Variants in CDC45 observed in about 807,000 individuals in gnomAD.
CDC45 encodes the protein cell division cycle 45, also known as cell division control protein 45 homolog.
A neutral mutation model predicts 77.8 loss-of-function variants in CDC45; 54 were observed. The ratio of observed to expected loss-of-function variants is 0.69; its 90% CI spans 0.56 to 0.87. The LOEUF (loss-of-function observed/expected upper bound fraction) is 0.87, where lower values mean the gene tolerates loss of function less well. Among genes scored for constraint, CDC45 ranks in the 40% least tolerant of loss-of-function variants. The pLI is 0.00. For synonymous variants in CDC45, 260 were observed against 272.1 expected, an observed-to-expected ratio of 0.96 and a Z score of 0.44; for missense variants, 649 against 721.6, an observed-to-expected ratio of 0.90 and a Z score of 1.15.
chr22:19,481,088 T>C, intron 3 of CDC45, 43 bp downstream of exon 3: 1 of 1,214,652 alleles, frequency 8.2e-7, no homozygotes, highest in East Asian at 2.3e-5. Context: ...TTTTACTCAA[T>C]TGTAATTTCT....
intron 5 of CDC45, among the ~76,000 whole-genome samples, chr22:19,487,910 CAAAAAAAAAAAAA>C (rs11291499): frequency 7.3e-5 from 5 of 68,760 alleles, no homozygotes; most frequent in African/African-American, 3.4e-4. Context: ...GACTCCGTCT[CAAAAAAAAAAAAA>C]AAAAAAAAAG....
rs983973187 is a variant in CDC45, at chr22:19,520,203, A to G, written c.*2-278A>G. Among the ~76,000 whole-genome samples the G allele has an allele frequency of 4.6e-5, 7 of 152,110 alleles. No individual in the cohort carries two copies. The highest frequency in any genetic ancestry group is 1.2e-4 in the African/African-American group (5 of 41,438). ...GCCGAGGGATGGAGGGAGAGCCCCC[A>G]TGGGAGGGTGCCAGGGGGCTGGCTG... On this transcript the variant is annotated intron_variant, in intron 18 of 18. Transcript: ENST00000263201. The surrounding 1 kb of genome is among the most constrained non-coding windows in gnomAD (Gnocchi z 4.5).
At chr22:19,505,300 C>T in intron 9 of CDC45, 62 bp from the exon 10 acceptor site, 1 of 1,610,182 alleles carries the variant, frequency 6.2e-7, no homozygotes, top group Non-Finnish European at 8.5e-7. Flanking sequence ...GGAGCCTAGG[C>T]TTAGGCTGCC....
intron 5 of CDC45, among the ~76,000 whole-genome samples, chr22:19,486,491 C>T (rs565421911): frequency 8.1e-4 from 123 of 152,132 alleles, no homozygotes; most frequent in African/African-American, 2.8e-3. Flanking sequence ...GGCCAGTTCT[C>T]TTTTCTAATA....
At chr22:19,483,097 C>T (rs567402269) in intron 4 of CDC45, among the ~76,000 whole-genome samples, 122 of 152,184 alleles carry the variant, frequency 8.0e-4, no homozygotes, top group Admixed American at 1.8e-3. Flanking sequence ...ACTACAGGCA[C>T]ATGCCACCAC....
At chr22:19,483,432 CA>C (rs997249975) in intron 4 of CDC45, among the ~76,000 whole-genome samples, 11 of 143,312 alleles carry the variant, frequency 7.7e-5, no homozygotes, top group African/African-American at 5.1e-5. Context: ...ACTCCGTCTC[CA>C]AAAAAAAAAG....
At position 19,483,874 on chromosome 22, in the gene CDC45, A is replaced by C; in HGVS notation, c.355A>C (p.Ile119Leu). The change falls in exon 5 of 19, where the codon ATT becomes CTT. Residue 119 changes from isoleucine to leucine, a missense_variant. Transcript: ENST00000263201. ...GTTTTGAACTTAGATCAAATTACTC[A>C]TTAAACAAGATGATGACCTTGAAGT... ...VYNDTQIKLL[I>L]KQDDDLEVPA... 6.2e-7 allele frequency: 1 copy of C among 1,612,282 alleles called. No homozygotes were observed. The highest frequency in any genetic ancestry group is 8.5e-7 in the Non-Finnish European group (1 of 1,179,514).
intron 9 of CDC45, among the ~76,000 whole-genome samples, chr22:19,504,255 A>G (rs1027030849): frequency 3.3e-5 from 5 of 152,322 alleles, no homozygotes; most frequent in African/African-American, 1.2e-4. Context: ...GAGATCCTCA[A>G]ATCCATCTCC....
At chr22:19,517,607 G>A (rs1049996948) in intron 17 of CDC45, among the ~76,000 whole-genome samples, 3 of 152,194 alleles carry the variant, frequency 2.0e-5, no homozygotes, top group Admixed American at 6.5e-5. Flanking sequence ...TCCTAGAGGC[G>A]AGAAGGCCCA....
At position 19,505,436 on chromosome 22, in the gene CDC45, A is replaced by C; in HGVS notation, c.779A>C (p.Glu260Ala). 1 of 1,614,128 alleles carries C rather than the reference A, an allele frequency of 6.2e-7. No homozygotes were observed. The highest frequency in any genetic ancestry group is 1.7e-4 in the Middle Eastern group (1 of 6,060). ...SRHNHRNEDE[E>A]NTLSVDCTRI... The stretch of plus-strand genomic sequence containing the variant: ...CACAACCACCGGAACGAGGATGAGG[A>C]GAACACACTCTCCGTGGACTGCACA... The change falls in exon 10 of 19, where the codon GAG (glutamate) becomes GCG (alanine). Residue 260 changes from glutamate to alanine, a missense_variant. By Grantham distance (107) the Glu-to-Ala change is moderately radical (BLOSUM62 -1). Transcript: ENST00000263201.
chr22:19,500,931 C>T (rs923903272), intron 9 of CDC45, among the ~76,000 whole-genome samples: 1 of 152,172 alleles, frequency 6.6e-6, no homozygotes, highest in Non-Finnish European at 1.5e-5. Flanking sequence ...AATCCCAGCA[C>T]TTTGGGAGGC....
At position 19,507,559 on chromosome 22, in the gene CDC45, C is replaced by T. The variant is rs756646266; in HGVS notation, c.956+42C>T. 6 of 1,609,382 alleles carry T rather than the reference C, an allele frequency of 3.7e-6. No individual in the cohort carries two copies. The South Asian group carries it at 4.4e-5, about 12-fold the overall frequency. ...GCCTCTGCAGTGCCAGCCCTGGCCA[C>T]CCCCAAGGGAAAAGCCCCTCTGCTT... On this transcript the variant is annotated intron_variant, in intron 11 of 18. Transcript: ENST00000263201.
chr22:19,483,217 G>A (rs2090012121), intron 4 of CDC45, among the ~76,000 whole-genome samples: 2 of 152,182 alleles, frequency 1.3e-5, no homozygotes. Context: ...CGGATTACGA[G>A]GTCAGAAGAT....
chr22:19,509,789 C>T (rs1353262683), intron 13 of CDC45, among the ~76,000 whole-genome samples: 1 of 152,182 alleles, frequency 6.6e-6, no homozygotes, highest in Admixed American at 6.5e-5. Context: ...GCTGCCACTT[C>T]TGTTGCTTTT....
Position 19,514,997 on chromosome 22 carries a change from G to A in CDC45, c.1389G>A (p.Pro463=), listed in dbSNP as rs1165460885. The change falls in exon 15 of 19, where the codon CCG becomes CCA. Residue 463 remains proline (P), a synonymous_variant. Coordinates refer to ENST00000263201, the MANE Select transcript of CDC45 (RefSeq NM_003504.5). ...CAGATGTCATGCTGTTCTCTAGGCC[G>A]GCATCCCTAAGCCTGCTCAGCAAAC... ...GTPDVMLFSR[P]ASLSLLSKHL... 1.9e-5 allele frequency: 30 copies of A among 1,613,932 alleles called. No homozygotes were observed. The highest frequency in any genetic ancestry group is 2.7e-5 in the African/African-American group (2 of 74,912).
At chr22:19,508,914 CTT>C (rs1568932449) in intron 13 of CDC45, among the ~76,000 whole-genome samples, 1 of 151,938 alleles carries the variant, frequency 6.6e-6, no homozygotes, top group African/African-American at 2.4e-5. Flanking sequence ...GCTTTTTTTT[CTT>C]TTTGATTTTT....
At chr22:19,503,129 T>C (rs1171763330) in intron 9 of CDC45, among the ~76,000 whole-genome samples, 2 of 152,184 alleles carry the variant, frequency 1.3e-5, no homozygotes, top group African/African-American at 4.8e-5. Context: ...ATTGTACCAC[T>C]GTCCTCCAGC....
intron 13 of CDC45, among the ~76,000 whole-genome samples, chr22:19,511,048 C>T (rs1933484948): frequency 1.3e-5 from 2 of 152,198 alleles, no homozygotes; most frequent in African/African-American, 4.8e-5. Flanking sequence ...CACTAGGTTT[C>T]AAGGAACTGC....
At chr22:19,489,711 A>G (rs373291594) in intron 5 of CDC45, among the ~76,000 whole-genome samples, 16 of 152,352 alleles carry the variant, frequency 1.1e-4, no homozygotes, top group African/African-American at 3.1e-4. Flanking sequence ...ACCAAAATTT[A>G]AAATACAGTA....
Sources: allele counts gnomAD v4.1 joint callset (sites outside exome capture counted in the v4.1 genomes callset), GRCh38; gene constraint gnomAD v4.1.1; non-coding constraint Gnocchi (gnomAD v3.1); transcripts MANE v1.5; gene names NCBI Gene and HGNC (gene_info 2026-07-23, HGNC 2026-07-21).